The following SLC2A5 variants were observed in gnomAD, a reference collection of about 807,000 sequenced individuals.
SLC2A5 encodes the protein solute carrier family 2 member 5.
Under a neutral mutation model 50.3 loss-of-function variants are expected in SLC2A5, and 56 were observed. That is an observed-to-expected ratio of 1.11 (90% CI 0.90 to 1.39). The LOEUF is 1.39. Among genes scored for constraint, SLC2A5 ranks in the 40% most tolerant of loss-of-function variants. The pLI, the probability that SLC2A5 is intolerant of heterozygous loss-of-function variation, is 0.00. For missense variants in SLC2A5, 566 were observed against 650.1 expected, an observed-to-expected ratio of 0.87 and a Z score of 1.41; for synonymous variants, 269 against 281.9, an observed-to-expected ratio of 0.95 and a Z score of 0.46.
chr1:9,041,265 G>A (rs1478813430), intron 5 of SLC2A5: 1 of 401,922 alleles, frequency 2.5e-6, no homozygotes, highest in African/African-American at 2.1e-5. Context: ...CCGCATGCCA[G>A]GCCCCAGGCT....
chr1:9,064,045 C>T lies in SLC2A5; in HGVS notation c.33+5459G>A, dbSNP rs529262924. Among the ~76,000 whole-genome samples the T allele has an allele frequency of 5.3e-5, 8 of 152,004 alleles. No individual in the cohort carries two copies. The East Asian group carries it at 1.4e-3, about 26-fold the overall frequency. On this transcript the variant is annotated intron_variant, in intron 1 of 11. Coordinates refer to ENST00000377424, the MANE Select transcript of SLC2A5 (RefSeq NM_003039.3). ...GTCTTGCTATGTTGCCCAAGCTAGT[C>T]TTGAACTCCTGGTCTCAAGCAATCC...
chr1:9,067,019 G>A (rs924559090), intron 1 of SLC2A5, among the ~76,000 whole-genome samples: 3 of 151,262 alleles, frequency 2.0e-5, no homozygotes, highest in South Asian at 4.2e-4. Flanking sequence ...AGAAAAAGAA[G>A]AGAAAAGGCC....
intron 2 of SLC2A5, among the ~76,000 whole-genome samples, chr1:9,080,756 A>G (rs1642342434): frequency 6.6e-6 from 1 of 152,264 alleles, no homozygotes; most frequent in Non-Finnish European, 1.5e-5. Context: ...TATAATGTGA[A>G]AACAAATAAT....
rs997342041 is a variant in SLC2A5 at position 9,047,748 on chromosome 1, A to C, written c.294-14T>G. ...AAGGCCCCTTTTCTGCAGAGGACAA[A>C]ATATCAGTTAGTTTTGCTGAAGAAT... On this transcript the variant is annotated splice_polypyrimidine_tract_variant and intron_variant, in intron 3 of 11. Transcript: ENST00000377424. 11 of 1,611,482 alleles carry C rather than the reference A, an allele frequency of 6.8e-6. No individual in the cohort carries two copies. Among genetic ancestry groups the C allele is most frequent in the Admixed American group, 3.4e-5 (2 of 59,606 alleles).
intron 2 of SLC2A5, among the ~76,000 whole-genome samples, chr1:9,080,872 G>A (rs568687444): frequency 3.3e-5 from 5 of 152,292 alleles, no homozygotes; most frequent in South Asian, 2.1e-4. Flanking sequence ...GAGTCACTCC[G>A]CCTGGCCTTG....
In SLC2A5 at chr1:9,040,333, T is replaced by C; in HGVS notation, c.572-144A>G. The C allele has an allele frequency of 1.0e-6, 1 of 986,732 alleles. No homozygotes were observed. The highest frequency in any genetic ancestry group is 1.4e-6 in the Non-Finnish European group (1 of 690,808). The allele number at this position is 986,732 out of a possible 1,614,324, so 61.1% of individuals were successfully genotyped here. A position where few individuals can be genotyped will look rare whatever the true frequency, so the allele number is the denominator to read the frequency against. ...CTTTCCCAGCCCTAAGAACAGCAAC[T>C]CCCGACGGTGGACACTCGGGAAACA... On this transcript the variant is annotated intron_variant, in intron 5 of 11. Coordinates refer to ENST00000377424, the MANE Select transcript of SLC2A5 (RefSeq NM_003039.3). The surrounding 1 kb of genome is among the most constrained non-coding windows in gnomAD (Gnocchi z 4.3).
At chr1:9,067,868 C>T (rs1415477488) in intron 1 of SLC2A5, among the ~76,000 whole-genome samples, 1 of 152,072 alleles carries the variant, frequency 6.6e-6, no homozygotes, top group Non-Finnish European at 1.5e-5. Flanking sequence ...GGTGGAGAAA[C>T]CAGCCTAAAG....
rs1267535019 is a variant in SLC2A5, at chr1:9,037,604, A to G, written c.1488T>C (p.Pro496=). 6.2e-7 allele frequency: 1 copy of G among 1,614,024 alleles called. No individual in the cohort carries two copies. Among genetic ancestry groups the G allele is most frequent in the Non-Finnish European group, 8.5e-7 (1 of 1,179,986 alleles). ...PEKEELKELP[P]VTSEQ is the part of the protein sequence containing the mutation. ...TCCAGAGTCACTGTTCCGAAGTGAC[A>G]GGTGGAAGCTCTTTCAGTTCCTCCT... The change falls in exon 12 of 12, where the codon CCT becomes CCC. Residue 496 remains proline, a synonymous_variant. Transcript: ENST00000377424.
At chr1:9,065,763 C>G in intron 1 of SLC2A5, among the ~76,000 whole-genome samples, 1 of 151,912 alleles carries the variant, frequency 6.6e-6, no homozygotes, top group East Asian at 1.9e-4. Flanking sequence ...TTTGGGAGGC[C>G]GAGGCAGGAG....
intron 2 of SLC2A5, among the ~76,000 whole-genome samples, chr1:9,074,905 C>T (rs1642263201): frequency 6.6e-6 from 1 of 152,026 alleles, no homozygotes; most frequent in African/African-American, 2.4e-5. Context: ...CACCTATAGT[C>T]CCAGCTACTT....
At chr1:9,093,518 T>A in the SLC2A5 span, among the ~76,000 whole-genome samples, 1 of 152,160 alleles carries the variant, frequency 6.6e-6, no homozygotes, top group East Asian at 1.9e-4. Context: ...AGACCATCAG[T>A]GGTATGCTTA....
chr1:9,041,556 T>G (rs1435998092), intron 5 of SLC2A5: 8 of 1,365,522 alleles, frequency 5.9e-6, no homozygotes, highest in Non-Finnish European at 7.6e-6. Context: ...ACCTCATCCA[T>G]CTCCTAAGAG....
At chr1:9,044,430 T>C (rs1233018267) in intron 4 of SLC2A5, among the ~76,000 whole-genome samples, 1 of 152,212 alleles carries the variant, frequency 6.6e-6, no homozygotes, top group Non-Finnish European at 1.5e-5. Flanking sequence ...ATCAGTGAAC[T>C]GTGAGCATGT....
At position 9,060,188 on chromosome 1, in the gene SLC2A5, TAC is replaced by T. The variant is rs1322991416; in HGVS notation, c.34-1940_34-1939del. Among the ~76,000 whole-genome samples, 44 of 128,062 alleles carry T rather than the reference TAC, an allele frequency of 3.4e-4. 1 individual carries two copies. The highest frequency in any genetic ancestry group is 6.3e-3 in the Middle Eastern group (1 of 158). 84.0% of individuals were successfully genotyped at this position (128,062 alleles called of 152,430 possible). On this transcript the variant is annotated intron_variant, in intron 1 of 11. Transcript: ENST00000377424. ...CACACTACATACACAATACACACACTACACACACACTACACACACGCCCCTCA... is the reference window on the plus strand; with the variant it reads ...CACACTACATACACAATACACACACTACACACACTACACACACGCCCCTCA...
In SLC2A5 at chr1:9,053,162, ATTTATATAT is replaced by A. The variant is rs1285662147; in HGVS notation, c.293+4277_293+4285del. Among the ~76,000 whole-genome samples, 3 of 74,542 alleles carry A rather than the reference ATTTATATAT, an allele frequency of 4.0e-5. No homozygotes were observed. The East Asian group carries it at 9.0e-4, about 22-fold the overall frequency. 48.9% of individuals were successfully genotyped at this position (74,542 alleles called of 152,430 possible). On this transcript the variant is annotated intron_variant, in intron 3 of 11. Coordinates refer to ENST00000377424, the MANE Select transcript of SLC2A5 (RefSeq NM_003039.3). ...TTATATGTTAATATATATTTTATAT[ATTTATATAT>A]TTTATATATTTATATATTATATATT...
At chr1:9,081,468 T>TAAAAAAAAAAAAAA in intron 2 of SLC2A5, among the ~76,000 whole-genome samples, 1 of 102,468 alleles carries the variant, frequency 9.8e-6, no homozygotes, top group Non-Finnish European at 1.9e-5. Flanking sequence ...CTCCTTCTCT[T>TAAAAAAAAAAAAAA]AAAAAAAAAA....
chr1:9,081,877 T>C (rs1192728946), intron 2 of SLC2A5, among the ~76,000 whole-genome samples: 1 of 151,354 alleles, frequency 6.6e-6, no homozygotes, highest in Non-Finnish European at 1.5e-5. Context: ...AGCCCAGGAG[T>C]TCAAGACCAG....
chr1:9,057,649 C>T, intron 2 of SLC2A5, 41 bp from the exon 3 acceptor site: 1 of 1,588,210 alleles, frequency 6.3e-7, no homozygotes, highest in Non-Finnish European at 8.6e-7. Flanking sequence ...ATAATTTGAT[C>T]CGGTTTTGCA....
chr1:9,054,521 A>C (rs1641703112), intron 3 of SLC2A5, among the ~76,000 whole-genome samples: 1 of 152,216 alleles, frequency 6.6e-6, no homozygotes, highest in Non-Finnish European at 1.5e-5. Context: ...AAAGCAACTG[A>C]CTTTCCACTT....
Sources: allele counts gnomAD v4.1 joint callset (sites outside exome capture counted in the v4.1 genomes callset), GRCh38; gene constraint gnomAD v4.1.1; non-coding constraint Gnocchi (gnomAD v3.1); transcripts MANE v1.5; gene names NCBI Gene and HGNC (gene_info 2026-07-23, HGNC 2026-07-21).